KLRG1: variants seen among roughly 807,000 people sequenced by gnomAD.
KLRG1 encodes the protein killer cell lectin like receptor G1, also known as killer cell lectin-like receptor subfamily G member 1.
In KLRG1, 16 loss-of-function variants were observed where a neutral mutation model predicts 21.8. That is an observed-to-expected ratio of 0.73 (90% CI 0.50 to 1.11). The LOEUF is 1.11. Among genes scored for constraint, KLRG1 ranks in the 50% most tolerant of loss-of-function variants. The probability of loss-of-function intolerance (pLI) is 0.00; values close to 1 mark genes in which losing one functional copy is unlikely to be tolerated. For missense variants in KLRG1, 173 were observed against 218.3 expected (o/e 0.79, Z 1.31); for synonymous variants, 69 against 75.9 (o/e 0.91, Z 0.47).
the KLRG1 span, among the ~76,000 whole-genome samples, chr12:9,037,922 T>C: frequency 3.9e-5 from 6 of 152,192 alleles, no homozygotes; most frequent in East Asian, 1.2e-3. Context: ...CAAAGTTGCT[T>C]AGGGTTACGT....
the KLRG1 span, among the ~76,000 whole-genome samples, chr12:9,063,691 T>G: frequency 6.6e-6 from 1 of 152,206 alleles, no homozygotes; most frequent in African/African-American, 2.4e-5. Context: ...GTATCTCCAG[T>G]CCACTGGGGC....
At chr12:9,205,280 A>G in the KLRG1 span, among the ~76,000 whole-genome samples, 2 of 152,224 alleles carry the variant, frequency 1.3e-5, no homozygotes, top group Middle Eastern at 3.4e-3. Flanking sequence ...CCCCCACTCC[A>G]TATTTTCCTG....
the KLRG1 span, among the ~76,000 whole-genome samples, chr12:9,209,048 T>A: frequency 2.8e-5 from 1 of 35,828 alleles, no homozygotes; most frequent in Non-Finnish European, 6.4e-5. Context: ...ATTGACTTTA[T>A]CTGAGATTTT....
chr12:9,084,887 T>C, the KLRG1 span, among the ~76,000 whole-genome samples: 6 of 152,074 alleles, frequency 3.9e-5, no homozygotes, highest in South Asian at 4.1e-4. Flanking sequence ...GCTATACTTA[T>C]ATTCAACAAA....
the KLRG1 span, among the ~76,000 whole-genome samples, chr12:9,215,515 A>G: frequency 2.6e-5 from 4 of 152,034 alleles, no homozygotes; most frequent in Non-Finnish European, 5.9e-5. Context: ...TACAATATGT[A>G]ACTCTTAATT....
At chr12:9,164,108 G>A in the KLRG1 span, 4 of 1,598,920 alleles carry the variant, frequency 2.5e-6, no homozygotes, top group Non-Finnish European at 3.4e-6. Context: ...TTGATTGATA[G>A]GCCCTTTTGG....
the KLRG1 span, among the ~76,000 whole-genome samples, chr12:9,186,857 G>A: frequency 6.7e-6 from 1 of 150,068 alleles, no homozygotes; most frequent in African/African-American, 2.5e-5. Context: ...GTCGGGGGTG[G>A]GGGGCTGGGG....
At chr12:9,077,257 C>G in the KLRG1 span, 2 of 1,241,214 alleles carry the variant, frequency 1.6e-6, no homozygotes, top group South Asian at 2.8e-5. Flanking sequence ...TGATGCTTTG[C>G]TTTTAATAGG....
chr12:9,002,658 C>G (rs1947339071), intron 3 of KLRG1, among the ~76,000 whole-genome samples: 1 of 152,044 alleles, frequency 6.6e-6, no homozygotes, highest in Admixed American at 6.6e-5. Context: ...CCTCCACCTC[C>G]TAGGCTCAAA....
the KLRG1 span, chr12:9,162,769 T>G: frequency 2.5e-6 from 2 of 809,180 alleles, no homozygotes; most frequent in Non-Finnish European, 3.9e-6. Context: ...CCTACTCTTT[T>G]TTTCCCAACT....
chr12:9,111,413 T>C, the KLRG1 span: 1 of 408,600 alleles, frequency 2.4e-6, no homozygotes, highest in Non-Finnish European at 4.9e-6. Context: ...GGAGTGAAAG[T>C]AGAAGCTGGG....
At chr12:9,034,519 C>T in the KLRG1 span, among the ~76,000 whole-genome samples, 4 of 149,236 alleles carry the variant, frequency 2.7e-5, no homozygotes, top group Admixed American at 6.6e-5. Context: ...GATCTCGGCT[C>T]GCTGCAACCT....
At chr12:9,044,301 C>T in the KLRG1 span, among the ~76,000 whole-genome samples, 31 of 152,188 alleles carry the variant, frequency 2.0e-4, no homozygotes, top group South Asian at 8.3e-4. Flanking sequence ...TATGAAGAGA[C>T]GCTTTACTCC....
chr12:9,002,867 G>A (rs1248278602), intron 3 of KLRG1, among the ~76,000 whole-genome samples: 4 of 150,528 alleles, frequency 2.7e-5, no homozygotes, highest in Admixed American at 1.3e-4. Flanking sequence ...GCACCAGACC[G>A]ATTTGTACTT....
chr12:9,056,319 G>A, the KLRG1 span, among the ~76,000 whole-genome samples: 2 of 152,148 alleles, frequency 1.3e-5, no homozygotes, highest in African/African-American at 2.4e-5. Context: ...TTCCACTCTT[G>A]ATACCATTAG....
chr12:9,072,304 G>T, the KLRG1 span: 7 of 1,591,602 alleles, frequency 4.4e-6, no homozygotes, highest in East Asian at 2.2e-5. Context: ...AGGAGTTCCC[G>T]AAAGAAGACT....
the KLRG1 span, among the ~76,000 whole-genome samples, chr12:9,156,851 A>AT: frequency 6.6e-6 from 1 of 152,116 alleles, no homozygotes; most frequent in Non-Finnish European, 1.5e-5. Context: ...ATTTGGTACC[A>AT]TTTGCTGTTT....
the KLRG1 span, chr12:9,028,246 G>GA: frequency 2.0e-6 from 1 of 493,996 alleles, no homozygotes; most frequent in East Asian, 3.6e-5. Context: ...CTGCTTCCCA[G>GA]ATTCAAGCGA....
At chr12:8,965,521 C>T (rs1946454827) in intron 1 of KLRG1, among the ~76,000 whole-genome samples, 3 of 152,114 alleles carry the variant, frequency 2.0e-5, no homozygotes, top group Non-Finnish European at 4.4e-5. Context: ...ACAAAAATCA[C>T]AAGCATTCTT....
Sources: gnomAD v4.1 joint callset for allele counts (sites outside exome capture counted in the v4.1 genomes callset) on GRCh38, gnomAD v4.1.1 for gene constraint, MANE v1.5 for transcripts, NCBI Gene and HGNC (gene_info 2026-07-23, HGNC 2026-07-21) for gene names.